The following XNDC1N variants were observed in gnomAD, a reference collection of about 807,000 sequenced individuals.
XNDC1N encodes protein XNDC1N.
chr11:71,894,509 T>C, the XNDC1N span: 25 of 157,470 alleles, frequency 1.6e-4, no homozygotes, highest in Non-Finnish European at 2.7e-4. Flanking sequence ...GCTTGATGGC[T>C]TTTATTCCTT....
At chr11:71,869,602 GT>G in the XNDC1N span, among the ~76,000 whole-genome samples, 1 of 152,156 alleles carries the variant, frequency 6.6e-6, no homozygotes, top group Non-Finnish European at 1.5e-5. Flanking sequence ...TATCAGATCA[GT>G]TTTGTTCTTT....
chr11:71,878,413 C>G, the XNDC1N span: 1 of 1,607,128 alleles, frequency 6.2e-7, no homozygotes, highest in Non-Finnish European at 8.5e-7. Flanking sequence ...CTCTTCATCT[C>G]AACTACTGAT....
At chr11:71,906,029 C>G in the XNDC1N span, among the ~76,000 whole-genome samples, 2 of 151,516 alleles carry the variant, frequency 1.3e-5, no homozygotes, top group South Asian at 4.2e-4. Flanking sequence ...GTAACATCCC[C>G]CCACAATATT....
chr11:71,893,907 G>A, the XNDC1N span: 36 of 998,448 alleles, frequency 3.6e-5, no homozygotes, highest in Admixed American at 3.7e-4. Flanking sequence ...TCTTCGTTTT[G>A]GTGTCCTTTT....
At chr11:71,896,458 C>A in the XNDC1N span, among the ~76,000 whole-genome samples, 1 of 152,242 alleles carries the variant, frequency 6.6e-6, no homozygotes, top group Non-Finnish European at 1.5e-5. Context: ...TTTTAGTTCA[C>A]AAGAATTGCT....
the XNDC1N span, among the ~76,000 whole-genome samples, chr11:71,873,461 C>T: frequency 6.6e-6 from 1 of 152,180 alleles, no homozygotes; most frequent in Admixed American, 6.5e-5. Flanking sequence ...TAGCAACTTG[C>T]TGCAGGGAGC....
chr11:71,918,347 T>C, the XNDC1N span, among the ~76,000 whole-genome samples: 1 of 152,140 alleles, frequency 6.6e-6, no homozygotes, highest in African/African-American at 2.4e-5. Context: ...AGTGGCATTA[T>C]CACAGCTCAC....
the XNDC1N span, among the ~76,000 whole-genome samples, chr11:71,875,937 A>T: frequency 1.3e-5 from 2 of 152,168 alleles, no homozygotes; most frequent in East Asian, 3.9e-4. Flanking sequence ...GAGGCAGGAG[A>T]TTCACTTGAA....
the XNDC1N span, among the ~76,000 whole-genome samples, chr11:71,915,004 A>C: frequency 6.6e-6 from 1 of 152,132 alleles, no homozygotes. Flanking sequence ...GCTACAGAGA[A>C]CTCTTTCATG....
chr11:71,893,397 G>T, the XNDC1N span: 1 of 692,800 alleles, frequency 1.4e-6, no homozygotes, highest in East Asian at 2.8e-5. Context: ...CTTGCATCCA[G>T]CATTAAGGGC....
At chr11:71,884,465 G>A in the XNDC1N span, 11 of 1,610,120 alleles carry the variant, frequency 6.8e-6, no homozygotes, top group East Asian at 1.1e-4. Context: ...GCAGACTGAA[G>A]TGCAATGCTG....
At chr11:71,867,884 G>A in the XNDC1N span, among the ~76,000 whole-genome samples, 2 of 152,154 alleles carry the variant, frequency 1.3e-5, no homozygotes, top group Non-Finnish European at 2.9e-5. Flanking sequence ...TGTCAGTGAG[G>A]TGTTGAAGTC....
chr11:71,924,978 C>G, the XNDC1N span, among the ~76,000 whole-genome samples: 1 of 152,010 alleles, frequency 6.6e-6, no homozygotes, highest in Non-Finnish European at 1.5e-5. Context: ...CCATAATGGT[C>G]TTTTTCTTAC....
At chr11:71,897,290 A>G in the XNDC1N span, among the ~76,000 whole-genome samples, 3 of 152,354 alleles carry the variant, frequency 2.0e-5, no homozygotes, top group East Asian at 3.9e-4. Flanking sequence ...GAGTGAAAAC[A>G]TAACCCATGG....
At chr11:71,923,560 G>T in the XNDC1N span, 94 of 436,314 alleles carry the variant, frequency 2.2e-4, 1 homozygote, top group Middle Eastern at 1.7e-3. Context: ...TTTCTGTTTT[G>T]TTTTTTTTTT....
chr11:71,917,475 C>T, the XNDC1N span: 2 of 665,940 alleles, frequency 3.0e-6, no homozygotes, highest in South Asian at 1.7e-5. Flanking sequence ...TCCTTAACCA[C>T]CCTTTGCCCC....
chr11:71,879,746 T>C, the XNDC1N span, among the ~76,000 whole-genome samples: 3 of 152,042 alleles, frequency 2.0e-5, no homozygotes, highest in African/African-American at 7.2e-5. Context: ...CAAGAAGAAA[T>C]CTCTCCTCCT....
the XNDC1N span, among the ~76,000 whole-genome samples, chr11:71,886,018 C>G: frequency 7.0e-4 from 107 of 151,824 alleles, no homozygotes; most frequent in African/African-American, 2.5e-3. Flanking sequence ...TGCGGTAAGT[C>G]GCATTGCGCC....
chr11:71,917,975 C>A, the XNDC1N span, among the ~76,000 whole-genome samples: 1 of 152,226 alleles, frequency 6.6e-6, no homozygotes, highest in African/African-American at 2.4e-5. Context: ...CACACGTTCA[C>A]CATGTTCCTC....
Sources: gnomAD v4.1 joint callset for allele counts (sites outside exome capture counted in the v4.1 genomes callset) on GRCh38, gnomAD v4.1.1 for gene constraint, MANE v1.5 for transcripts, NCBI Gene and HGNC (gene_info 2026-07-23, HGNC 2026-07-21) for gene names.